MORC1: variants seen among roughly 807,000 people sequenced by gnomAD.
MORC1 encodes the protein MORC family CW-type zinc finger 1, also known as MORC family CW-type zinc finger protein 1.
Under a neutral mutation model 134.9 loss-of-function variants are expected in MORC1, and 59 were observed. That is an observed-to-expected ratio of 0.44 (90% CI 0.35 to 0.54). The LOEUF (loss-of-function observed/expected upper bound fraction) is 0.54. Ranked by LOEUF, MORC1 falls within the 20% of genes least tolerant of loss-of-function variation. The pLI is 0.00. For synonymous variants in MORC1, 395 were observed against 391.7 expected (o/e 1.01, Z -0.10); for missense variants, 947 against 1,134.5 (o/e 0.83, Z 2.37).
intron 21 of MORC1, among the ~76,000 whole-genome samples, chr3:108,996,261 C>G (rs1948205562): frequency 1.4e-5 from 2 of 145,222 alleles, no homozygotes; most frequent in South Asian, 4.5e-4. Flanking sequence ...TGCCTGTGCA[C>G]ATGTGCGCGT....
intron 17 of MORC1, 27 bp downstream of exon 17, chr3:109,027,724 A>T (rs780363608): frequency 6.2e-7 from 1 of 1,613,526 alleles, no homozygotes; most frequent in South Asian, 1.1e-5. Flanking sequence ...TCACAGTAGA[A>T]TTAGGGAGGA....
chr3:109,024,629 AC>A (rs1250022367), intron 17 of MORC1, among the ~76,000 whole-genome samples: 2 of 152,194 alleles, frequency 1.3e-5, no homozygotes, highest in African/African-American at 2.4e-5. Flanking sequence ...TTTTATATTC[AC>A]TACACAGGTC....
chr3:108,971,410 T>C lies in MORC1; in HGVS notation c.2478-8A>G. 6.2e-7 allele frequency: 1 copy of C among 1,608,256 alleles called. No individual in the cohort carries two copies. The highest frequency in any genetic ancestry group is 8.5e-7 in the Non-Finnish European group (1 of 1,174,980). Reference sequence around the variant, plus strand: ...AAATACAGAAGAATCTCCCTAGGAATACAAGCACAGCAGATATGGGAATAT... The same window carrying C: ...AAATACAGAAGAATCTCCCTAGGAACACAAGCACAGCAGATATGGGAATAT... On this transcript the variant is annotated splice_polypyrimidine_tract_variant and splice_region_variant and intron_variant, in intron 24 of 27. Transcript: ENST00000232603.
chr3:108,998,744 A>G (rs1948308551), intron 21 of MORC1, among the ~76,000 whole-genome samples: 1 of 152,240 alleles, frequency 6.6e-6, no homozygotes, highest in Non-Finnish European at 1.5e-5. Context: ...ATTAATGTGC[A>G]TCTCTGGATA....
At chr3:109,017,432 T>C (rs939083484) in intron 17 of MORC1, among the ~76,000 whole-genome samples, 2 of 152,154 alleles carry the variant, frequency 1.3e-5, no homozygotes, top group African/African-American at 4.8e-5. Context: ...TTTGCACATG[T>C]TAAGTGTACT....
intron 8 of MORC1, among the ~76,000 whole-genome samples, chr3:109,088,466 A>T (rs780196674): frequency 4.6e-5 from 7 of 152,174 alleles, no homozygotes; most frequent in African/African-American, 1.2e-4. Flanking sequence ...AAGCATATTT[A>T]AAAAACCTCA....
chr3:109,001,984 C>G (rs1008460376), intron 20 of MORC1, among the ~76,000 whole-genome samples: 7 of 152,184 alleles, frequency 4.6e-5, no homozygotes, highest in African/African-American at 1.7e-4. Flanking sequence ...ATTCTGTAGT[C>G]ATTCTGCCAT....
At chr3:109,023,331 T>C (rs781025642) in intron 17 of MORC1, among the ~76,000 whole-genome samples, 1 of 152,228 alleles carries the variant, frequency 6.6e-6, no homozygotes, top group Non-Finnish European at 1.5e-5. Context: ...TGTCAGATTA[T>C]AGACAGCCTG....
chr3:108,982,967 T>C (rs960449847), intron 23 of MORC1, among the ~76,000 whole-genome samples: 1 of 151,448 alleles, frequency 6.6e-6, no homozygotes, highest in South Asian at 2.1e-4. Flanking sequence ...AAAAAAAAGA[T>C]TGTTTTTCGT....
chr3:109,000,176 T>C (rs984614848), intron 21 of MORC1, among the ~76,000 whole-genome samples: 9 of 152,230 alleles, frequency 5.9e-5, no homozygotes, highest in African/African-American at 1.9e-4. Flanking sequence ...TTAAACCTTC[T>C]GGTGAGAGTC....
In MORC1 at chr3:109,063,199, C is replaced by T; in HGVS notation, c.848G>A (p.Gly283Glu). The T allele has an allele frequency of 1.3e-6, 2 of 1,598,730 alleles. No individual in the cohort carries two copies. The highest frequency in any genetic ancestry group is 1.1e-5 in the South Asian group (1 of 90,180). Reference sequence around the variant, plus strand: ...CTTTTTAACTTCATCTTTAAATGCTCCTTTAAAAGAAGATGTGACATAAAG... The same window carrying T: ...CTTTTTAACTTCATCTTTAAATGCTTCTTTAAAAGAAGATGTGACATAAAG... ...KYLYVTSSFK[G>E]AFKDEVKKAE... The change falls in exon 10 of 28, where the codon GGA becomes GAA. Residue 283 changes from glycine to glutamate, a missense_variant. Gly to Glu is a moderately conservative substitution (Grantham distance 98, BLOSUM62 -2). This residue lies in a region of MORC1 where 722 missense variants were observed against 817.0 expected (regional missense o/e 0.88). Transcript: ENST00000232603.
chr3:109,071,091 A>G (rs568943637), intron 8 of MORC1, among the ~76,000 whole-genome samples: 210 of 152,302 alleles, frequency 1.4e-3, no homozygotes, highest in African/African-American at 3.7e-3. Context: ...ACAATTAAGT[A>G]TGTCCTCACC....
chr3:109,073,182 T>C (rs1445144185), intron 8 of MORC1, among the ~76,000 whole-genome samples: 1 of 152,230 alleles, frequency 6.6e-6, no homozygotes, highest in Non-Finnish European at 1.5e-5. Flanking sequence ...TCTCCCAATC[T>C]GTCCACAGTA....
At chr3:108,992,399 C>T (rs1168119571) in intron 21 of MORC1, among the ~76,000 whole-genome samples, 2 of 152,136 alleles carry the variant, frequency 1.3e-5, no homozygotes, top group Admixed American at 6.6e-5. Flanking sequence ...TACTCCAGCA[C>T]ATATTCTTCC....
intron 4 of MORC1, among the ~76,000 whole-genome samples, chr3:109,102,176 A>C (rs1470080375): frequency 6.6e-6 from 1 of 152,180 alleles, no homozygotes. Flanking sequence ...AGGGAAGGCC[A>C]CTGGCAGATG....
intron 24 of MORC1, among the ~76,000 whole-genome samples, chr3:108,976,932 A>G (rs576442255): frequency 1.3e-5 from 2 of 152,360 alleles, no homozygotes; most frequent in South Asian, 4.1e-4. Context: ...ACTAAAATTA[A>G]TAGAAATGTT....
At chr3:109,035,762 TAA>T (rs1949365199) in intron 14 of MORC1, among the ~76,000 whole-genome samples, 1 of 152,182 alleles carries the variant, frequency 6.6e-6, no homozygotes, top group South Asian at 2.1e-4. Flanking sequence ...GTTTATGCAA[TAA>T]AACATATTGA....
At chr3:109,002,302 T>G (rs955731759) in intron 20 of MORC1, among the ~76,000 whole-genome samples, 2 of 152,084 alleles carry the variant, frequency 1.3e-5, no homozygotes, top group Non-Finnish European at 2.9e-5. Flanking sequence ...TTTACTCACA[T>G]AGAGAAGAGA....
At chr3:108,969,584 C>T in intron 26 of MORC1, 85 bp downstream of exon 26, 1 of 1,361,520 alleles carries the variant, frequency 7.3e-7, no homozygotes, top group South Asian at 1.2e-5. Flanking sequence ...TCCTTTCAAA[C>T]CTAACATTTG....
Sources: gnomAD v4.1 joint callset for allele counts (sites outside exome capture counted in the v4.1 genomes callset) on GRCh38, gnomAD v4.1.1 for gene constraint, gnomAD v4.1.1 regional missense constraint, MANE v1.5 for transcripts, NCBI Gene and HGNC (gene_info 2026-07-23, HGNC 2026-07-21) for gene names.